CPE: variants seen among roughly 807,000 people sequenced by gnomAD.
CPE encodes the protein carboxypeptidase E.
Under a neutral mutation model 53.5 loss-of-function variants are expected in CPE, and 17 were observed. The ratio of observed to expected loss-of-function variants is 0.32; its 90% confidence interval spans 0.22 to 0.48. The LOEUF (loss-of-function observed/expected upper bound fraction) is 0.48, where lower values mean the gene tolerates loss of function less well. Among genes scored for constraint, CPE ranks in the 20% least tolerant of loss-of-function variants. The probability of loss-of-function intolerance (pLI) is 0.99; values close to 1 mark genes in which losing one functional copy is unlikely to be tolerated. For missense variants in CPE, 524 were observed against 614.7 expected, an observed-to-expected ratio of 0.85 and a Z score of 1.56; for synonymous variants, 226 against 228.8, an observed-to-expected ratio of 0.99 and a Z score of 0.11.
At chr4:165,492,983 T>G (rs1732633555) in intron 6 of CPE, among the ~76,000 whole-genome samples, 188 bp from the exon 7 acceptor site, 1 of 152,154 alleles carries the variant, frequency 6.6e-6, no homozygotes, top group Non-Finnish European at 1.5e-5. Flanking sequence ...CACTTATCTA[T>G]TTAGGGAAAA....
chr4:165,381,290 T>C (rs949162109), intron 1 of CPE: 2 of 456,184 alleles, frequency 4.4e-6, no homozygotes, highest in Non-Finnish European at 8.8e-6. Flanking sequence ...GATTGCAAGC[T>C]GTATGAAGTG....
At chr4:165,414,088 T>C (rs1335636147) in intron 1 of CPE, among the ~76,000 whole-genome samples, 1 of 152,178 alleles carries the variant, frequency 6.6e-6, no homozygotes, top group Non-Finnish European at 1.5e-5. Context: ...TGTATTTTCC[T>C]GCAATAATAA....
chr4:165,384,691 T>C (rs1560865246), intron 1 of CPE, among the ~76,000 whole-genome samples: 1 of 152,278 alleles, frequency 6.6e-6, no homozygotes, highest in Middle Eastern at 3.4e-3. Flanking sequence ...ATTAGCCCAT[T>C]ATCATTCTTT....
At chr4:165,466,960 CT>C (rs1307167082) in intron 2 of CPE, among the ~76,000 whole-genome samples, 1 of 152,132 alleles carries the variant, frequency 6.6e-6, no homozygotes, top group Non-Finnish European at 1.5e-5. Context: ...ATTCTACAAG[CT>C]TTTTTCTATT....
intron 3 of CPE, among the ~76,000 whole-genome samples, chr4:165,473,026 A>G (rs1271922335): frequency 3.9e-5 from 6 of 152,350 alleles, no homozygotes; most frequent in Middle Eastern, 3.4e-3. Flanking sequence ...GTAACTCTGT[A>G]TGTCCCCGGG....
intron 1 of CPE, among the ~76,000 whole-genome samples, chr4:165,450,389 G>T (rs1197211885): frequency 6.6e-6 from 1 of 152,078 alleles, no homozygotes; most frequent in Non-Finnish European, 1.5e-5. Flanking sequence ...AGTCCCTGAA[G>T]AAATAAATAA....
At chr4:165,410,993 G>A (rs375168523) in intron 1 of CPE, among the ~76,000 whole-genome samples, 49 of 152,236 alleles carry the variant, frequency 3.2e-4, no homozygotes, top group African/African-American at 1.1e-3. Flanking sequence ...GAAGACCAGA[G>A]AGCATGCTGA....
At chr4:165,429,074 A>T (rs1731367120) in intron 1 of CPE, among the ~76,000 whole-genome samples, 1 of 152,116 alleles carries the variant, frequency 6.6e-6, no homozygotes, top group African/African-American at 2.4e-5. Flanking sequence ...CACATATTTA[A>T]CCACCCCTGC....
At chr4:165,468,829 A>G (rs1732151391) in intron 3 of CPE, among the ~76,000 whole-genome samples, 1 of 152,236 alleles carries the variant, frequency 6.6e-6, no homozygotes. Flanking sequence ...TTTTGCTTAA[A>G]AAACCTTAGC....
chr4:165,469,823 C>T (rs1208563944), intron 3 of CPE, among the ~76,000 whole-genome samples: 1 of 152,158 alleles, frequency 6.6e-6, no homozygotes, highest in Non-Finnish European at 1.5e-5. Flanking sequence ...AAACAAATCA[C>T]AATATCTGAA....
intron 1 of CPE, among the ~76,000 whole-genome samples, chr4:165,440,332 T>C (rs796862963): frequency 3.3e-5 from 5 of 152,304 alleles, no homozygotes; most frequent in African/African-American, 1.2e-4. Flanking sequence ...CAGTTTGAAC[T>C]GAGCCCCTTG....
intron 1 of CPE, among the ~76,000 whole-genome samples, chr4:165,430,646 A>G (rs913254895): frequency 2.7e-4 from 38 of 138,358 alleles, no homozygotes; most frequent in African/African-American, 9.5e-4. Flanking sequence ...AATCAATATG[A>G]AAGTAATTTT....
intron 3 of CPE, among the ~76,000 whole-genome samples, chr4:165,479,483 T>C (rs1732363448): frequency 6.6e-6 from 1 of 152,218 alleles, no homozygotes; most frequent in Admixed American, 6.5e-5. Context: ...AAATTTCTTG[T>C]ATAGACACTA....
chr4:165,406,055 C>G, intron 1 of CPE: 1 of 758,784 alleles, frequency 1.3e-6, no homozygotes, highest in Non-Finnish European at 2.5e-6. Context: ...TACAATAAAG[C>G]AGCCTGGCTT....
In CPE at chr4:165,464,528, C is replaced by A; in HGVS notation, c.446C>A (p.Thr149Asn). ...NETIVNLIHSTRIHIMPSLNP... is the reference protein window; with the variant it reads ...NETIVNLIHSNRIHIMPSLNP... ...ACAATTGTCAACCTGATCCACAGTA[C>A]CCGCATTCACATCATGCCTTCCCTG... Residue 149 changes from threonine (T) to asparagine (N), a missense_variant, in exon 2 of 9, where the codon ACC (threonine) becomes AAC (asparagine). Transcript: ENST00000402744. 2 of 1,613,574 alleles carry A rather than the reference C, an allele frequency of 1.2e-6. No individual in the cohort carries two copies. Among genetic ancestry groups the A allele is most frequent in the Non-Finnish European group, 1.7e-6 (2 of 1,179,752 alleles).
intron 1 of CPE, among the ~76,000 whole-genome samples, chr4:165,419,034 CGTGGTCTTCTG>C (rs1731166919): frequency 6.6e-6 from 1 of 152,126 alleles, no homozygotes; most frequent in Non-Finnish European, 1.5e-5. Context: ...CTACTTACTC[CGTGGTCTTCTG>C]GTGGTGTGCA....
At chr4:165,455,915 A>C (rs1170016418) in intron 1 of CPE, among the ~76,000 whole-genome samples, 1 of 152,174 alleles carries the variant, frequency 6.6e-6, no homozygotes, top group East Asian at 1.9e-4. Flanking sequence ...GGCCTCCCAA[A>C]GTGCTGGGAT....
At chr4:165,429,078 C>A (rs72703650) in intron 1 of CPE, among the ~76,000 whole-genome samples, 44,806 of 151,910 alleles carry the variant, frequency 0.29, 6,649 homozygotes, top group Middle Eastern at 0.39. Context: ...TATTTAACCA[C>A]CCCTGCAACT....
At chr4:165,473,263 A>C (rs1228551631) in intron 3 of CPE, among the ~76,000 whole-genome samples, 1 of 152,250 alleles carries the variant, frequency 6.6e-6, no homozygotes, top group Non-Finnish European at 1.5e-5. Context: ...AATTTAGGAC[A>C]AGAATTTACC....
Sources: gnomAD v4.1 joint callset for allele counts (sites outside exome capture counted in the v4.1 genomes callset) on GRCh38, gnomAD v4.1.1 for gene constraint, MANE v1.5 for transcripts, NCBI Gene and HGNC (gene_info 2026-07-23, HGNC 2026-07-21) for gene names.